Variants in TTLL11 observed in about 807,000 individuals in gnomAD.
The protein encoded by TTLL11 is tubulin tyrosine ligase like 11, also known as tubulin polyglutamylase TTLL11.
A neutral mutation model predicts 51.7 loss-of-function variants in TTLL11; 42 were observed. That is an observed-to-expected ratio of 0.81 (90% confidence interval 0.64 to 1.05). TTLL11 has a LOEUF of 1.05. Among genes scored for constraint, TTLL11 ranks in the 50% least tolerant of loss-of-function variants. The pLI, the probability that TTLL11 is intolerant of heterozygous loss-of-function variation, is 0.00. For missense variants in TTLL11, 799 were observed against 940.4 expected (o/e 0.85, Z 1.97); for synonymous variants, 381 against 383.5 (o/e 0.99, Z 0.08).
At chr9:121,959,119 G>A (rs1842126437) in intron 6 of TTLL11, among the ~76,000 whole-genome samples, 1 of 152,206 alleles carries the variant, frequency 6.6e-6, no homozygotes, top group Non-Finnish European at 1.5e-5. Context: ...AACTGAGCCA[G>A]CAGGCAGGGC....
chr9:121,864,586 A>T (rs192592839), intron 7 of TTLL11, among the ~76,000 whole-genome samples: 10 of 152,356 alleles, frequency 6.6e-5, no homozygotes, highest in Admixed American at 2.0e-4. Context: ...AGTAAGAAAA[A>T]GGCTGCTCAC....
chr9:121,835,714 A>G (rs10760190), intron 8 of TTLL11, among the ~76,000 whole-genome samples: 101,980 of 152,094 alleles, frequency 0.67, 35,310 homozygotes, highest in African/African-American at 0.85. Flanking sequence ...TGCTGGCCAC[A>G]GCAGAGTGGC....
intron 1 of TTLL11, among the ~76,000 whole-genome samples, chr9:122,083,277 C>G (rs1846044460): frequency 6.6e-6 from 1 of 151,978 alleles, no homozygotes; most frequent in African/African-American, 2.4e-5. Context: ...GTTTTAAAAA[C>G]CAGTGCAAAT....
intron 3 of TTLL11, among the ~76,000 whole-genome samples, chr9:122,028,026 A>C (rs1024929842): frequency 3.9e-5 from 6 of 152,222 alleles, no homozygotes; most frequent in Admixed American, 2.0e-4. Flanking sequence ...GTAAGGCGCT[A>C]ATATGTTACT....
chr9:122,027,020 C>G (rs965415138), intron 3 of TTLL11, among the ~76,000 whole-genome samples: 41 of 151,870 alleles, frequency 2.7e-4, no homozygotes, highest in African/African-American at 9.7e-4. Flanking sequence ...TTAATTGGAT[C>G]ACAGTTCCAC....
chr9:121,976,059 A>G (rs1048415163), intron 4 of TTLL11, among the ~76,000 whole-genome samples: 1 of 152,282 alleles, frequency 6.6e-6, no homozygotes, highest in Non-Finnish European at 1.5e-5. Flanking sequence ...TTCACACCCA[A>G]GCAGGACTGA....
At chr9:121,882,183 T>A (rs759107161) in intron 6 of TTLL11, among the ~76,000 whole-genome samples, 1 of 152,114 alleles carries the variant, frequency 6.6e-6, no homozygotes, top group Non-Finnish European at 1.5e-5. Context: ...CTAAACAGTA[T>A]CAACTGGTAA....
chr9:122,031,941 C>T, intron 2 of TTLL11, 85 bp from the exon 3 acceptor site: 1 of 1,504,360 alleles, frequency 6.6e-7, no homozygotes, highest in Non-Finnish European at 9.0e-7. Flanking sequence ...TTAAAACCAC[C>T]CACCCGACAT....
At chr9:121,952,764 T>C (rs1841891167) in intron 6 of TTLL11, among the ~76,000 whole-genome samples, 1 of 152,178 alleles carries the variant, frequency 6.6e-6, no homozygotes, top group Admixed American at 6.5e-5. Flanking sequence ...AGCCTGGTTC[T>C]GGTTCCCACA....
chr9:121,963,055 T>C (rs1793113360), intron 6 of TTLL11, among the ~76,000 whole-genome samples: 1 of 152,172 alleles, frequency 6.6e-6, no homozygotes, highest in Admixed American at 6.5e-5. Context: ...TCTCAGTCTG[T>C]CTCTCATAAG....
chr9:122,088,024 C>T (rs1846172799), intron 1 of TTLL11, among the ~76,000 whole-genome samples: 1 of 152,182 alleles, frequency 6.6e-6, no homozygotes, highest in Non-Finnish European at 1.5e-5. Flanking sequence ...TGACTGCAAA[C>T]TGAATCATCT....
intron 6 of TTLL11, among the ~76,000 whole-genome samples, chr9:121,949,433 A>C (rs1490386389): frequency 6.6e-6 from 1 of 152,230 alleles, no homozygotes; most frequent in Non-Finnish European, 1.5e-5. Flanking sequence ...TGGATGACTA[A>C]GACACATTCA....
At chr9:121,849,321 A>G (rs1837600916) in intron 8 of TTLL11, among the ~76,000 whole-genome samples, 1 of 152,252 alleles carries the variant, frequency 6.6e-6, no homozygotes, top group Non-Finnish European at 1.5e-5. Flanking sequence ...AATATGGGAG[A>G]AAATCTAGAT....
chr9:121,904,687 A>C (rs574923706), intron 6 of TTLL11, among the ~76,000 whole-genome samples: 44 of 152,330 alleles, frequency 2.9e-4, no homozygotes, highest in African/African-American at 7.7e-4. Context: ...AATTTCTTCC[A>C]ACTGGGCTTC....
intron 6 of TTLL11, among the ~76,000 whole-genome samples, chr9:121,884,130 C>G (rs1838906146): frequency 6.6e-6 from 1 of 152,206 alleles, no homozygotes. Context: ...AGACTGGGGT[C>G]TAGAGGCTGC....
chr9:121,830,660 G>T (rs544784917), intron 8 of TTLL11, among the ~76,000 whole-genome samples: 2 of 152,266 alleles, frequency 1.3e-5, no homozygotes, highest in South Asian at 2.1e-4. Context: ...CTGAGAAACC[G>T]CACAGCCCCA....
At chr9:122,007,598 AAAGT>A (rs1843694025) in intron 3 of TTLL11, among the ~76,000 whole-genome samples, 3 of 152,232 alleles carry the variant, frequency 2.0e-5, no homozygotes, top group South Asian at 4.1e-4. Context: ...CCCACAGAAT[AAAGT>A]AAGAATCCAT....
chr9:121,962,226 T>A (rs1475420654), intron 6 of TTLL11, among the ~76,000 whole-genome samples: 1 of 152,146 alleles, frequency 6.6e-6, no homozygotes, highest in Non-Finnish European at 1.5e-5. Context: ...TTTCAGTACT[T>A]CCCAATTTTT....
intron 6 of TTLL11, among the ~76,000 whole-genome samples, chr9:121,948,223 G>C (rs1841738782): frequency 6.6e-6 from 1 of 152,114 alleles, no homozygotes; most frequent in Non-Finnish European, 1.5e-5. Context: ...AACACAACCG[G>C]AACATGGCAG....
Sources: gnomAD v4.1 joint callset for allele counts (sites outside exome capture counted in the v4.1 genomes callset) on GRCh38, gnomAD v4.1.1 for gene constraint, MANE v1.5 for transcripts, NCBI Gene and HGNC (gene_info 2026-07-23, HGNC 2026-07-21) for gene names.